The following GUCY1A2 variants were observed in gnomAD, a reference collection of about 807,000 sequenced individuals.
GUCY1A2 encodes the protein guanylate cyclase 1 soluble subunit alpha 2.
Under a neutral mutation model 63.5 loss-of-function variants are expected in GUCY1A2, and 27 were observed. The ratio of observed to expected loss-of-function variants is 0.43; its 90% CI spans 0.31 to 0.59. GUCY1A2 has a LOEUF of 0.59. Ranked by LOEUF, GUCY1A2 falls within the 20% of genes least tolerant of loss-of-function variation. The pLI is 0.11. For missense variants in GUCY1A2, 768 were observed against 913.3 expected (o/e 0.84, Z 2.05); for synonymous variants, 364 against 343.5 (o/e 1.06, Z -0.66).
chr11:106,742,006 A>C (rs1863702843), intron 6 of GUCY1A2, among the ~76,000 whole-genome samples: 1 of 152,188 alleles, frequency 6.6e-6, no homozygotes, highest in Non-Finnish European at 1.5e-5. Context: ...CCAACTATTT[A>C]TCACTTGATT....
chr11:106,953,580 GT>G (rs1860941015), intron 3 of GUCY1A2, among the ~76,000 whole-genome samples: 1 of 152,040 alleles, frequency 6.6e-6, no homozygotes, highest in Non-Finnish European at 1.5e-5. Context: ...GTTTAGAATA[GT>G]TTTAGAAAGA....
chr11:106,873,177 C>T (rs1252552243), intron 4 of GUCY1A2, among the ~76,000 whole-genome samples: 1 of 152,116 alleles, frequency 6.6e-6, no homozygotes, highest in African/African-American at 2.4e-5. Flanking sequence ...CATTGATGGG[C>T]ATTTGGGATG....
intron 1 of GUCY1A2, among the ~76,000 whole-genome samples, chr11:107,008,810 A>C (rs527352577): frequency 6.6e-6 from 1 of 152,346 alleles, no homozygotes; most frequent in Admixed American, 6.5e-5. Context: ...GTACATAAAA[A>C]CAGTCAGAAA....
chr11:106,703,680 G>A (rs1862856411), intron 7 of GUCY1A2, among the ~76,000 whole-genome samples: 1 of 151,990 alleles, frequency 6.6e-6, no homozygotes, highest in Admixed American at 6.6e-5. Context: ...TCAGACTTGT[G>A]CCCTATAGAA....
intron 4 of GUCY1A2, among the ~76,000 whole-genome samples, chr11:106,936,981 T>C (rs1860687177): frequency 6.6e-6 from 1 of 152,190 alleles, no homozygotes; most frequent in Non-Finnish European, 1.5e-5. Context: ...ATTATTTTTC[T>C]TTCTTCTTTC....
rs1433902094 is a variant in GUCY1A2, at chr11:106,709,516, A to G, written c.1837-850T>C. Among the ~76,000 whole-genome samples, 3 of 52,480 alleles carry G rather than the reference A, an allele frequency of 5.7e-5. 1 individual carries two copies. Among genetic ancestry groups the G allele is most frequent in the African/African-American group, 3.9e-4 (3 of 7,648 alleles). The allele number at this position is 52,480 out of a possible 152,430, so 34.4% of individuals were successfully genotyped here. On this transcript the variant is annotated intron_variant, in intron 6 of 7. Coordinates refer to ENST00000526355, the MANE Select transcript of GUCY1A2 (RefSeq NM_000855.3). Reference sequence around the variant, plus strand: ...TATATATAATAATATATATTATTCTATAAATATAATAATAATATAATATAT... The same window carrying G: ...TATATATAATAATATATATTATTCTGTAAATATAATAATAATATAATATAT...
intron 6 of GUCY1A2, among the ~76,000 whole-genome samples, chr11:106,711,205 G>A (rs1027236108): frequency 3.9e-5 from 6 of 152,128 alleles, no homozygotes; most frequent in Non-Finnish European, 7.4e-5. Context: ...CAGAAAGGCT[G>A]CCATGCATAT....
chr11:106,811,687 A>G (rs1225778317), intron 4 of GUCY1A2, among the ~76,000 whole-genome samples: 3 of 152,042 alleles, frequency 2.0e-5, no homozygotes, highest in African/African-American at 4.8e-5. Flanking sequence ...ATAAAATGGA[A>G]TCTTGCTTGA....
intron 6 of GUCY1A2, among the ~76,000 whole-genome samples, chr11:106,756,040 G>A (rs1863968098): frequency 6.6e-6 from 1 of 152,132 alleles, no homozygotes; most frequent in Non-Finnish European, 1.5e-5. Context: ...CCTGTATTGG[G>A]TGCATATATA....
intron 6 of GUCY1A2, among the ~76,000 whole-genome samples, chr11:106,763,160 T>G (rs1407327023): frequency 6.6e-6 from 1 of 152,008 alleles, no homozygotes; most frequent in Non-Finnish European, 1.5e-5. Context: ...GATATAAAAC[T>G]GTAAGATTAA....
chr11:106,719,896 T>A (rs1312704990), intron 6 of GUCY1A2, among the ~76,000 whole-genome samples: 3 of 152,338 alleles, frequency 2.0e-5, no homozygotes, highest in Admixed American at 6.5e-5. Flanking sequence ...CCAAGTAATT[T>A]ATATACCTCT....
At chr11:106,958,499 C>A (rs965802477) in intron 3 of GUCY1A2, among the ~76,000 whole-genome samples, 1 of 152,046 alleles carries the variant, frequency 6.6e-6, no homozygotes, top group South Asian at 2.1e-4. Flanking sequence ...TCACAGAAGT[C>A]CTTTAAAGTA....
intron 4 of GUCY1A2, among the ~76,000 whole-genome samples, chr11:106,919,025 A>C (rs573790834): frequency 5.9e-5 from 9 of 152,238 alleles, no homozygotes; most frequent in Non-Finnish European, 1.2e-4. Context: ...TTTATTATCT[A>C]TTTATTGAAT....
At chr11:106,931,185 A>G (rs1463749253) in intron 4 of GUCY1A2, among the ~76,000 whole-genome samples, 1 of 152,238 alleles carries the variant, frequency 6.6e-6, no homozygotes, top group Non-Finnish European at 1.5e-5. Flanking sequence ...GCAAACAACA[A>G]TTAAGTATGG....
intron 4 of GUCY1A2, among the ~76,000 whole-genome samples, chr11:106,928,544 T>C (rs987669495): frequency 1.3e-5 from 2 of 151,182 alleles, no homozygotes; most frequent in South Asian, 2.1e-4. Flanking sequence ...ACCAAGATTA[T>C]TGTATGATTC....
At chr11:106,708,012 A>G (rs899283245) in intron 7 of GUCY1A2, among the ~76,000 whole-genome samples, 1 of 152,082 alleles carries the variant, frequency 6.6e-6, no homozygotes, top group Admixed American at 6.6e-5. Flanking sequence ...ATGCACAAAT[A>G]TTCCAAAACT....
chr11:106,993,783 G>A (rs1241647034), intron 1 of GUCY1A2, among the ~76,000 whole-genome samples: 1 of 152,094 alleles, frequency 6.6e-6, no homozygotes, highest in Non-Finnish European at 1.5e-5. Context: ...ATACAGAGTT[G>A]GAACATACTG....
At chr11:106,977,191 G>C (rs1475019472) in intron 3 of GUCY1A2, among the ~76,000 whole-genome samples, 1 of 152,136 alleles carries the variant, frequency 6.6e-6, no homozygotes, top group African/African-American at 2.4e-5. Context: ...ATCCCTTTTA[G>C]TGTGGCATCA....
intron 3 of GUCY1A2, among the ~76,000 whole-genome samples, chr11:106,975,783 C>A (rs1035867726): frequency 1.4e-4 from 21 of 152,164 alleles, no homozygotes; most frequent in Non-Finnish European, 2.6e-4. Flanking sequence ...TTGTAGGGCA[C>A]AACATGTGCT....
Sources: allele counts gnomAD v4.1 joint callset (sites outside exome capture counted in the v4.1 genomes callset), GRCh38; gene constraint gnomAD v4.1.1; transcripts MANE v1.5; gene names NCBI Gene and HGNC (gene_info 2026-07-23, HGNC 2026-07-21).